Variants in TNKS observed in about 807,000 individuals in gnomAD.
The protein encoded by TNKS is poly [ADP-ribose] polymerase tankyrase-1.
In TNKS, 72 loss-of-function variants were observed where a neutral mutation model predicts 135.8. The ratio of observed to expected loss-of-function variants is 0.53; its 90% CI spans 0.44 to 0.64. The LOEUF (loss-of-function observed/expected upper bound fraction) is 0.64. Among genes scored for constraint, TNKS ranks in the 30% least tolerant of loss-of-function variants. The probability of loss-of-function intolerance (pLI) is 0.00; values close to 1 mark genes in which losing one functional copy is unlikely to be tolerated. For synonymous variants in TNKS, 849 were observed against 649.3 expected, an observed-to-expected ratio of 1.31 and a Z score of -4.68; for missense variants, 1,769 against 1,674.0, an observed-to-expected ratio of 1.06 and a Z score of -0.99.
intron 3 of TNKS, among the ~76,000 whole-genome samples, chr8:9,664,127 A>G (rs911116922): frequency 1.3e-5 from 2 of 152,166 alleles, no homozygotes; most frequent in Non-Finnish European, 2.9e-5. Flanking sequence ...AGGCTGGGTA[A>G]TTTATAAAGA....
chr8:9,730,600 T>A (rs1805387528), intron 13 of TNKS, among the ~76,000 whole-genome samples: 1 of 152,174 alleles, frequency 6.6e-6, no homozygotes, highest in South Asian at 2.1e-4. Flanking sequence ...AGCAAGGCAT[T>A]ATTTGCTTTG....
chr8:9,601,336 A>T (rs1585216436), intron 2 of TNKS, among the ~76,000 whole-genome samples: 1 of 152,190 alleles, frequency 6.6e-6, no homozygotes, highest in Non-Finnish European at 1.5e-5. Flanking sequence ...TGAATTTAAC[A>T]TGTATTATTG....
At chr8:9,608,754 C>T (rs4551359) in intron 2 of TNKS, among the ~76,000 whole-genome samples, 15,413 of 152,178 alleles carry the variant, frequency 0.1, 1,113 homozygotes, top group East Asian at 0.22. Context: ...AGTGTAACCA[C>T]CATGTTCTGC....
chr8:9,577,408 A>C (rs1356065815), intron 1 of TNKS, among the ~76,000 whole-genome samples: 2 of 152,194 alleles, frequency 1.3e-5, no homozygotes, highest in Non-Finnish European at 2.9e-5. Flanking sequence ...GTAATTTATA[A>C]AGAAAAGAGA....
intron 25 of TNKS, among the ~76,000 whole-genome samples, chr8:9,768,063 T>C (rs576516940): frequency 5.9e-5 from 9 of 151,974 alleles, no homozygotes; most frequent in Non-Finnish European, 1.3e-4. Context: ...ACCTAATTCC[T>C]CTGGAGACAA....
At chr8:9,666,457 C>T (rs1338133607) in intron 3 of TNKS, among the ~76,000 whole-genome samples, 4 of 152,116 alleles carry the variant, frequency 2.6e-5, no homozygotes, top group East Asian at 1.9e-4. Context: ...TGGTAGCTCA[C>T]GCCTGTAATC....
At chr8:9,723,813 T>C (rs929903976) in intron 12 of TNKS, among the ~76,000 whole-genome samples, 1 of 152,212 alleles carries the variant, frequency 6.6e-6, no homozygotes, top group South Asian at 2.1e-4. Context: ...GACAGTTCTT[T>C]TGGCCATTTC....
chr8:9,761,861 A>T (rs1252133986), intron 21 of TNKS, among the ~76,000 whole-genome samples: 1 of 152,080 alleles, frequency 6.6e-6, no homozygotes, highest in African/African-American at 2.4e-5. Flanking sequence ...ATTTTTCTGG[A>T]ATCTCTGTAC....
chr8:9,696,358 C>T (rs1049612306), intron 5 of TNKS, among the ~76,000 whole-genome samples: 5 of 151,988 alleles, frequency 3.3e-5, no homozygotes, highest in Non-Finnish European at 2.9e-5. Context: ...AAGTGATCAT[C>T]GATACCAAAT....
At position 9,710,232 on chromosome 8, in the gene TNKS, A is replaced by T. The variant is rs368110087; in HGVS notation, c.1749+12A>T. The T allele has an allele frequency of 3.0e-5, 48 of 1,613,556 alleles. No homozygotes were observed. The African/African-American group carries it at 6.0e-4, about 20-fold the overall frequency. On this transcript the variant is annotated intron_variant, in intron 11 of 26. Transcript: ENST00000310430. ...AGCATGGCGCCAAGGTGAGGCACACACCTGAGCAGAGTGCCAGACTCAGCA... is the reference window on the plus strand; with the variant it reads ...AGCATGGCGCCAAGGTGAGGCACACTCCTGAGCAGAGTGCCAGACTCAGCA...
intron 1 of TNKS, among the ~76,000 whole-genome samples, chr8:9,578,701 G>C (rs1798050529): frequency 6.6e-6 from 1 of 152,094 alleles, no homozygotes; most frequent in Non-Finnish European, 1.5e-5. Context: ...CCAAAATAAA[G>C]GAAGATGTGA....
chr8:9,706,310 G>A, intron 7 of TNKS, 57 bp downstream of exon 7: 3 of 1,292,030 alleles, frequency 2.3e-6, no homozygotes, highest in Non-Finnish European at 3.2e-6. Context: ...TCTTTACCTT[G>A]TCATGACTTT....
chr8:9,673,363 A>T (rs1802389346), intron 3 of TNKS, among the ~76,000 whole-genome samples: 2 of 152,090 alleles, frequency 1.3e-5, no homozygotes, highest in South Asian at 2.1e-4. Flanking sequence ...ATAATATATA[A>T]ATTTTATGAC....
intron 14 of TNKS, 60 bp downstream of exon 14, chr8:9,731,095 T>C: frequency 6.9e-7 from 1 of 1,450,496 alleles, no homozygotes; most frequent in Non-Finnish European, 9.1e-7. Flanking sequence ...AAATTTAAAA[T>C]ATTTTTGAAG....
At chr8:9,583,102 G>A (rs1798231048) in intron 2 of TNKS, among the ~76,000 whole-genome samples, 1 of 149,648 alleles carries the variant, frequency 6.7e-6, no homozygotes, top group Non-Finnish European at 1.5e-5. Flanking sequence ...GGGAGGCGGA[G>A]CTTGATGAGC....
chr8:9,711,081 T>G lies in TNKS; in HGVS notation c.1749+861T>G, dbSNP rs183901054. 9.4e-4 allele frequency among the ~76,000 whole-genome samples: 143 copies of G among 152,198 alleles called. 2 individuals carry two copies. Among genetic ancestry groups the G allele is most frequent in the Admixed American group, 7.6e-3 (116 of 15,278 alleles). ...TTAGAGGTGACTTGAAATTATAGAT[T>G]TTTTCATTCTCAAGAATGTATATTT... On this transcript the variant is annotated intron_variant, in intron 11 of 26. Coordinates refer to ENST00000310430, the MANE Select transcript of TNKS (RefSeq NM_003747.3).
At chr8:9,589,170 A>G (rs767008184) in intron 2 of TNKS, among the ~76,000 whole-genome samples, 11 of 152,206 alleles carry the variant, frequency 7.2e-5, no homozygotes, top group Non-Finnish European at 1.3e-4. Context: ...TGTATTAATG[A>G]AACAATAATC....
intron 5 of TNKS, among the ~76,000 whole-genome samples, chr8:9,687,994 A>G (rs1803086544): frequency 6.6e-6 from 1 of 152,212 alleles, no homozygotes; most frequent in African/African-American, 2.4e-5. Context: ...CATGTCACAG[A>G]GGGGCAAAGG....
intron 3 of TNKS, among the ~76,000 whole-genome samples, chr8:9,622,457 G>A (rs754892900): frequency 3.3e-5 from 5 of 152,140 alleles, no homozygotes; most frequent in Admixed American, 6.5e-5. Context: ...TATTGTTATT[G>A]TACTCATTTT....
Sources: gnomAD v4.1 joint callset for allele counts (sites outside exome capture counted in the v4.1 genomes callset) on GRCh38, gnomAD v4.1.1 for gene constraint, MANE v1.5 for transcripts, NCBI Gene and HGNC (gene_info 2026-07-23, HGNC 2026-07-21) for gene names.